KMT2C: variants seen among roughly 807,000 people sequenced by gnomAD.
KMT2C encodes the protein lysine methyltransferase 2C.
Under a neutral mutation model 507.9 loss-of-function variants are expected in KMT2C, and 88 were observed. The ratio of observed to expected loss-of-function variants is 0.17; its 90% CI spans 0.15 to 0.21. The LOEUF (loss-of-function observed/expected upper bound fraction) is 0.21, where lower values mean the gene tolerates loss of function less well. Among genes scored for constraint, KMT2C ranks in the 10% least tolerant of loss-of-function variants. The pLI, the probability that KMT2C is intolerant of heterozygous loss-of-function variation, is 1.00. For missense variants in KMT2C, 4,954 were observed against 5,957.8 expected, an observed-to-expected ratio of 0.83 and a Z score of 5.55; for synonymous variants, 2,049 against 2,080.8, an observed-to-expected ratio of 0.98 and a Z score of 0.42.
At chr7:152,253,502 C>G (rs569705947) in intron 9 of KMT2C, among the ~76,000 whole-genome samples, 1 of 118,800 alleles carries the variant, frequency 8.4e-6, no homozygotes, top group Non-Finnish European at 1.6e-5. Flanking sequence ...AGGCAAAACA[C>G]CTCTTTCTCT....
chr7:152,165,608 A>AT (rs1287300262), intron 42 of KMT2C, among the ~76,000 whole-genome samples: 1 of 152,220 alleles, frequency 6.6e-6, no homozygotes, highest in East Asian at 1.9e-4. Flanking sequence ...TGGTTTGAAG[A>AT]TAAGACACGT....
chr7:152,345,557 C>T (rs189573001), intron 2 of KMT2C, among the ~76,000 whole-genome samples: 21 of 152,166 alleles, frequency 1.4e-4, no homozygotes, highest in African/African-American at 5.1e-4. Context: ...CAGAGTCTTG[C>T]TCTGTCGCCC....
At chr7:152,193,220 A>G (rs2093858501) in intron 31 of KMT2C, among the ~76,000 whole-genome samples, 1 of 152,158 alleles carries the variant, frequency 6.6e-6, no homozygotes. Flanking sequence ...ACACGCCACC[A>G]TGCAACTCCA....
At chr7:152,367,906 A>C in intron 1 of KMT2C, 1 of 1,048,778 alleles carries the variant, frequency 9.5e-7, no homozygotes, top group Non-Finnish European at 1.5e-6. Context: ...TCGCATGAAA[A>C]AGTGATTATC....
intron 1 of KMT2C, among the ~76,000 whole-genome samples, chr7:152,416,527 C>A (rs1179412455): frequency 2.7e-5 from 4 of 149,182 alleles, no homozygotes; most frequent in African/African-American, 7.5e-5. Context: ...CCAGCCTGGG[C>A]GACAGAGCAA....
chr7:152,430,332 GAAATTA>G (rs2097854152), intron 1 of KMT2C, among the ~76,000 whole-genome samples: 1 of 151,594 alleles, frequency 6.6e-6, no homozygotes, highest in African/African-American at 2.4e-5. Context: ...TCAGCTTTCT[GAAATTA>G]AAAGATAAAA....
intron 6 of KMT2C, among the ~76,000 whole-genome samples, chr7:152,293,004 A>G (rs1159674129): frequency 6.6e-6 from 1 of 152,242 alleles, no homozygotes; most frequent in South Asian, 2.1e-4. Flanking sequence ...TGGAAAGGCT[A>G]GTCTAAACCA....
At chr7:152,368,269 G>A (rs13230351) in intron 1 of KMT2C, 20,084 of 973,698 alleles carry the variant, frequency 0.021, 290 homozygotes, top group Non-Finnish European at 0.028. Context: ...TGTCCACTAT[G>A]AGAACTACAG....
At position 152,332,404 on chromosome 7, in the gene KMT2C, C is replaced by G. The variant is rs148221227; in HGVS notation, c.251-1665G>C. On this transcript the variant is annotated intron_variant, in intron 2 of 58. Transcript: ENST00000262189. ...ATTTAGACCTTTCTGCATCACTAAC[C>G]CCAAACAAACAAAAACATCTTAAAG... is the stretch of plus-strand genomic sequence containing the variant. Among the ~76,000 whole-genome samples the G allele has an allele frequency of 3.3e-5, 5 of 152,262 alleles. No individual in the cohort carries two copies. The East Asian group carries it at 9.6e-4, about 29-fold the overall frequency.
At chr7:152,325,976 T>A (rs2096825111) in intron 3 of KMT2C, among the ~76,000 whole-genome samples, 4 of 151,984 alleles carry the variant, frequency 2.6e-5, no homozygotes, top group African/African-American at 9.7e-5. Context: ...ACTTCCTTCC[T>A]CACTAATTTG....
At chr7:152,208,495 T>C (rs2094366100) in intron 23 of KMT2C, among the ~76,000 whole-genome samples, 1 of 152,210 alleles carries the variant, frequency 6.6e-6, no homozygotes, top group African/African-American at 2.4e-5. Flanking sequence ...TGAGAACAGG[T>C]ACACAGATTT....
intron 3 of KMT2C, among the ~76,000 whole-genome samples, chr7:152,319,645 C>T (rs10279018): frequency 0.038 from 5,850 of 152,172 alleles, 387 homozygotes; most frequent in African/African-American, 0.13. Context: ...CAGGCCCGCC[C>T]GCAGTTATCC....
chr7:152,154,728 TAG>T (rs778142810), intron 46 of KMT2C, among the ~76,000 whole-genome samples: 30 of 152,180 alleles, frequency 2.0e-4, no homozygotes, highest in African/African-American at 7.0e-4. Flanking sequence ...GCATGTAACA[TAG>T]AGAGCATGAA....
intron 2 of KMT2C, among the ~76,000 whole-genome samples, chr7:152,356,432 C>T (rs1224248075): frequency 5.3e-5 from 8 of 151,558 alleles, no homozygotes; most frequent in African/African-American, 7.3e-5. Context: ...AAAAATTAGC[C>T]GGGCGTGGTG....
At chr7:152,257,788 C>T (rs1274359306) in intron 9 of KMT2C, among the ~76,000 whole-genome samples, 1 of 151,904 alleles carries the variant, frequency 6.6e-6, no homozygotes. Flanking sequence ...CTGGACCACA[C>T]TGAAAGAAGA....
At chr7:152,388,247 C>CCA (rs1266130651) in intron 1 of KMT2C, among the ~76,000 whole-genome samples, 3 of 152,308 alleles carry the variant, frequency 2.0e-5, no homozygotes, top group East Asian at 1.9e-4. Flanking sequence ...ATACACATAT[C>CCA]CACACCTGCT....
chr7:152,293,546 AT>A (rs2096457343), intron 6 of KMT2C, among the ~76,000 whole-genome samples: 1 of 152,156 alleles, frequency 6.6e-6, no homozygotes, highest in Non-Finnish European at 1.5e-5. Flanking sequence ...TTCACAAGAT[AT>A]TTTATGCAGA....
Position 152,182,195 on chromosome 7 carries a change from A to C in KMT2C, c.5665T>G (p.Ser1889Ala), listed in dbSNP as rs989457888. 2.5e-6 allele frequency: 4 copies of C among 1,614,018 alleles called. No individual in the cohort carries two copies. The highest frequency in any genetic ancestry group is 3.3e-5 in the Admixed American group (2 of 60,004). ...GGATCCATTGGAGATGGTGGTCGTG[A>C]GTTAGAGGACCCAGGTGAAAACACT... is the stretch of plus-strand genomic sequence containing the variant. Reference protein sequence around the residue: ...PQVFSPGSSNSRPPSPMDPYA... With the variant: ...PQVFSPGSSNARPPSPMDPYA... The change falls in exon 36 of 59, where the codon TCA (serine) becomes GCA (alanine). Residue 1889 changes from serine (S) to alanine (A), a missense_variant. Physicochemically the swap from Ser to Ala is moderately conservative, Grantham distance 99. This residue lies in a region of KMT2C where 1,689 missense variants were observed against 1,654.3 expected (regional missense o/e 1.02). Transcript: ENST00000262189.
At chr7:152,268,413 G>A (rs994192125) in intron 7 of KMT2C, among the ~76,000 whole-genome samples, 72 of 152,184 alleles carry the variant, frequency 4.7e-4, no homozygotes, top group African/African-American at 1.7e-3. Context: ...GCACAACTCT[G>A]TGAATCCTTG....
Sources: gnomAD v4.1 joint callset for allele counts (sites outside exome capture counted in the v4.1 genomes callset) on GRCh38, gnomAD v4.1.1 for gene constraint, gnomAD v4.1.1 regional missense constraint, MANE v1.5 for transcripts, NCBI Gene and HGNC (gene_info 2026-07-23, HGNC 2026-07-21) for gene names.